BPI: variants seen among roughly 807,000 people sequenced by gnomAD.
BPI encodes bactericidal permeability-increasing protein.
BPI carries 48 observed loss-of-function variants against 57.6 expected under a neutral mutation model. That is an observed-to-expected ratio of 0.83 (90% CI 0.66 to 1.06). The LOEUF is 1.06. BPI is among the 50% of genes least tolerant of loss of function. The pLI is 0.00. For synonymous variants in BPI, 237 were observed against 238.2 expected (o/e 0.99, Z 0.05); for missense variants, 651 against 609.7 (o/e 1.07, Z -0.71).
At chr20:38,324,893 G>T (rs1391125408) in intron 9 of BPI, 60 bp downstream of exon 9, 2 of 1,381,770 alleles carry the variant, frequency 1.4e-6, no homozygotes, top group East Asian at 4.6e-5. Context: ...ACAGGGCTTT[G>T]CTGAGTGGAT....
intron 9 of BPI, among the ~76,000 whole-genome samples, chr20:38,325,595 A>G (rs1270527115): frequency 6.6e-6 from 1 of 152,196 alleles, no homozygotes; most frequent in Non-Finnish European, 1.5e-5. Context: ...ACTTCGTTAG[A>G]GGCCCTTCTC....
chr20:38,310,090 G>T (rs1259468259), intron 3 of BPI, among the ~76,000 whole-genome samples: 1 of 152,174 alleles, frequency 6.6e-6, no homozygotes, highest in African/African-American at 2.4e-5. Context: ...ATTAATGGGG[G>T]CATTAATGAA....
At position 38,336,059 on chromosome 20, in the gene BPI, C is replaced by A. The variant is rs777733412; in HGVS notation, c.1413+385C>A. Among the ~76,000 whole-genome samples, 9 of 152,194 alleles carry A rather than the reference C, an allele frequency of 5.9e-5. 1 individual carries two copies. The highest frequency in any genetic ancestry group is 1.2e-4 in the Non-Finnish European group (8 of 68,032). ...GGCACTGTGGGGTATAACATGTGGT[C>A]GACGTCTGGCAGATTTAGACACAGC... On this transcript the variant is annotated intron_variant, in intron 14 of 14. Transcript: ENST00000642449.
Position 38,310,408 on chromosome 20 carries a change from A to C in BPI, c.375-83A>C, listed in dbSNP as rs1179075508. On this transcript the variant is annotated intron_variant, in intron 3 of 14. Transcript: ENST00000642449. ...CACCTGGAGTGGGGATAATAACAAA[A>C]CCCGCCTTCCAGCACTGGGGCAAAG... 5 of 1,520,616 alleles carry C rather than the reference A, an allele frequency of 3.3e-6. No homozygotes were observed. In the East Asian group the frequency reaches 9.1e-5, roughly 28 times the overall value. 94.2% of individuals were successfully genotyped at this position (1,520,616 alleles called of 1,614,324 possible).
intron 6 of BPI, among the ~76,000 whole-genome samples, chr20:38,319,251 A>T (rs2076668854): frequency 6.6e-6 from 1 of 152,100 alleles, no homozygotes; most frequent in Admixed American, 6.5e-5. Context: ...AAAAAACAAA[A>T]CAAAACAAAA....
intron 1 of BPI, among the ~76,000 whole-genome samples, chr20:38,306,825 C>CA (rs1440001571): frequency 1.3e-5 from 2 of 152,248 alleles, no homozygotes; most frequent in East Asian, 3.9e-4. Flanking sequence ...CAGCAAACTA[C>CA]AGCCCTCCGT....
At chr20:38,334,326 C>T (rs1172733857) in intron 12 of BPI, 104 bp from the exon 13 acceptor site, 25 of 1,145,914 alleles carry the variant, frequency 2.2e-5, no homozygotes, top group Middle Eastern at 2.1e-4. Context: ...TGCTGAGCAG[C>T]GCTAGGGGAA....
Position 38,336,750 on chromosome 20 carries a change from A to G in BPI, c.1414-396A>G, listed in dbSNP as rs916774008. On this transcript the variant is annotated intron_variant, in intron 14 of 14. Transcript: ENST00000642449. Reference sequence around the variant, plus strand: ...CCAAGTTCGTGTTTTAAAAAAAATGACCCATGGCACAATTTAATTTCTTCA... The same window carrying G: ...CCAAGTTCGTGTTTTAAAAAAAATGGCCCATGGCACAATTTAATTTCTTCA... Among the ~76,000 whole-genome samples the G allele has an allele frequency of 2.6e-5, 4 of 152,244 alleles. No individual in the cohort carries two copies. In the East Asian group the frequency reaches 7.7e-4, roughly 29 times the overall value.
intron 12 of BPI, 60 bp from the exon 13 acceptor site, chr20:38,334,370 C>T: frequency 6.7e-7 from 1 of 1,503,744 alleles, no homozygotes; most frequent in South Asian, 1.1e-5. Context: ...ATGAGGACTG[C>T]TGGACCCGCA....
intron 7 of BPI, among the ~76,000 whole-genome samples, chr20:38,322,377 T>G (rs1389138374): frequency 1.3e-5 from 2 of 152,210 alleles, no homozygotes; most frequent in South Asian, 4.1e-4. Context: ...TTATCCTCAG[T>G]GAATAAGAAA....
intron 2 of BPI, 36 bp from the exon 3 acceptor site, chr20:38,308,894 A>G (rs370285193): frequency 1.7e-5 from 28 of 1,613,116 alleles, no homozygotes; most frequent in African/African-American, 2.7e-5. Context: ...CTAGGAGTAT[A>G]TGAAATTATA....
intron 5 of BPI, among the ~76,000 whole-genome samples, chr20:38,315,750 T>G (rs2076648705): frequency 6.6e-6 from 1 of 151,510 alleles, no homozygotes; most frequent in African/African-American, 2.4e-5. Flanking sequence ...CTGTCTTCCC[T>G]CCTTCCTTCC....
At chr20:38,327,890 C>A (rs2076721661) in intron 11 of BPI, among the ~76,000 whole-genome samples, 1 of 152,176 alleles carries the variant, frequency 6.6e-6, no homozygotes, top group South Asian at 2.1e-4. Flanking sequence ...GACCAACCAT[C>A]TCAGCTTACC....
At chr20:38,317,533 T>C in intron 5 of BPI, 1 of 648,016 alleles carries the variant, frequency 1.5e-6, no homozygotes, top group Non-Finnish European at 2.8e-6. Flanking sequence ...TCCACAGGGC[T>C]TGGGCTTCTC....
chr20:38,330,711 C>T (rs1403285261), intron 11 of BPI, among the ~76,000 whole-genome samples: 1 of 152,150 alleles, frequency 6.6e-6, no homozygotes, highest in Non-Finnish European at 1.5e-5. Context: ...ATACCTTATT[C>T]CCAATATTCC....
intron 5 of BPI, among the ~76,000 whole-genome samples, chr20:38,316,418 G>A (rs1245798278): frequency 6.6e-6 from 1 of 152,250 alleles, no homozygotes; most frequent in East Asian, 1.9e-4. Flanking sequence ...TGTCCTTGAG[G>A]CAGCTGGGTC....
At chr20:38,335,135 G>T (rs976086530) in intron 13 of BPI, among the ~76,000 whole-genome samples, 3 of 152,146 alleles carry the variant, frequency 2.0e-5, no homozygotes, top group African/African-American at 7.2e-5. Context: ...TGACCTGGGA[G>T]GCCACGTTCT....
chr20:38,327,861 G>A (rs1159289595), intron 11 of BPI, among the ~76,000 whole-genome samples: 1 of 152,128 alleles, frequency 6.6e-6, no homozygotes, highest in African/African-American at 2.4e-5. Flanking sequence ...TGACTTGCTC[G>A]AGGTCACACA....
chr20:38,328,383 T>C (rs2076724471), intron 11 of BPI, among the ~76,000 whole-genome samples: 1 of 151,870 alleles, frequency 6.6e-6, no homozygotes, highest in African/African-American at 2.4e-5. Context: ...TGAAACCCTG[T>C]CTCTATTAAA....
Sources: gnomAD v4.1 joint callset for allele counts (sites outside exome capture counted in the v4.1 genomes callset) on GRCh38, gnomAD v4.1.1 for gene constraint, MANE v1.5 for transcripts, NCBI Gene and HGNC (gene_info 2026-07-23, HGNC 2026-07-21) for gene names.